GRID2: variants seen among roughly 807,000 people sequenced by gnomAD.
GRID2 encodes glutamate receptor ionotropic, delta-2.
Under a neutral mutation model 114.8 loss-of-function variants are expected in GRID2, and 33 were observed. The observed-to-expected ratio is 0.29, with a 90% CI of 0.22 to 0.38. The LOEUF (loss-of-function observed/expected upper bound fraction) is 0.38, where lower values mean the gene tolerates loss of function less well. Ranked by LOEUF, GRID2 falls within the 10% of genes least tolerant of loss-of-function variation. The probability of loss-of-function intolerance (pLI) is 1.00; values close to 1 mark genes in which losing one functional copy is unlikely to be tolerated. For synonymous variants in GRID2, 505 were observed against 449.9 expected (o/e 1.12, Z -1.55); for missense variants, 1,184 against 1,257.7 (o/e 0.94, Z 0.89).
At chr4:93,582,687 C>T (rs1207169496) in intron 13 of GRID2, among the ~76,000 whole-genome samples, 4 of 151,636 alleles carry the variant, frequency 2.6e-5, no homozygotes, top group African/African-American at 9.7e-5. Flanking sequence ...ATAATGGAGA[C>T]CTTACTTGTT....
chr4:92,650,353 C>G (rs1731866283), intron 2 of GRID2, among the ~76,000 whole-genome samples: 1 of 151,996 alleles, frequency 6.6e-6, no homozygotes, highest in South Asian at 2.1e-4. Flanking sequence ...ATCTTCATAT[C>G]TGAATAGCCT....
At chr4:92,767,827 G>A (rs1738339635) in intron 2 of GRID2, among the ~76,000 whole-genome samples, 1 of 151,812 alleles carries the variant, frequency 6.6e-6, no homozygotes, top group Admixed American at 6.6e-5. Flanking sequence ...AATCACTTGA[G>A]GCCAGGATTT....
intron 13 of GRID2, among the ~76,000 whole-genome samples, chr4:93,546,810 A>G (rs1416062575): frequency 1.3e-5 from 2 of 151,926 alleles, no homozygotes; most frequent in African/African-American, 4.8e-5. Context: ...ATTTTTTTTT[A>G]TATTCTTTAA....
At chr4:93,460,057 C>T (rs921971436) in intron 11 of GRID2, among the ~76,000 whole-genome samples, 5 of 152,174 alleles carry the variant, frequency 3.3e-5, no homozygotes, top group Admixed American at 3.3e-4. Flanking sequence ...ATAGGAGTCT[C>T]ATAAGTCTTT....
At chr4:93,353,187 A>C (rs981960528) in intron 8 of GRID2, among the ~76,000 whole-genome samples, 2 of 152,070 alleles carry the variant, frequency 1.3e-5, no homozygotes, top group African/African-American at 4.8e-5. Flanking sequence ...TGGTTCATAC[A>C]TAAGAAGATT....
chr4:92,350,508 A>G (rs1034876070), intron 1 of GRID2, among the ~76,000 whole-genome samples: 1 of 151,738 alleles, frequency 6.6e-6, no homozygotes, highest in African/African-American at 2.4e-5. Flanking sequence ...GGGTAACATA[A>G]TATATGTATA....
intron 1 of GRID2, among the ~76,000 whole-genome samples, chr4:92,426,122 T>C (rs892540876): frequency 6.6e-6 from 1 of 152,112 alleles, no homozygotes; most frequent in Non-Finnish European, 1.5e-5. Flanking sequence ...TGGTAACTTG[T>C]ACTTCATACA....
intron 11 of GRID2, among the ~76,000 whole-genome samples, chr4:93,488,257 T>G: frequency 6.6e-6 from 1 of 151,962 alleles, no homozygotes; most frequent in African/African-American, 2.4e-5. Context: ...TTTATTTTGC[T>G]TTTACCTTTC....
intron 8 of GRID2, among the ~76,000 whole-genome samples, chr4:93,275,195 C>A (rs1751917282): frequency 6.6e-6 from 1 of 151,864 alleles, no homozygotes; most frequent in African/African-American, 2.4e-5. Context: ...GCTTCATTCA[C>A]TTACTATTAT....
intron 1 of GRID2, among the ~76,000 whole-genome samples, chr4:92,418,055 T>A (rs1244427625): frequency 6.6e-6 from 1 of 152,088 alleles, no homozygotes; most frequent in African/African-American, 2.4e-5. Context: ...TTATTAGCAG[T>A]GTGAGAAGAG....
chr4:93,262,670 T>G (rs1168874421), intron 8 of GRID2, among the ~76,000 whole-genome samples: 1 of 152,010 alleles, frequency 6.6e-6, no homozygotes, highest in Non-Finnish European at 1.5e-5. Flanking sequence ...GTTGATATTT[T>G]GATGATTTCC....
At chr4:93,170,345 A>C (rs1040395585) in intron 4 of GRID2, among the ~76,000 whole-genome samples, 1 of 152,090 alleles carries the variant, frequency 6.6e-6, no homozygotes, top group Admixed American at 6.5e-5. Context: ...TGGACTCCCA[A>C]AGTGCTGGGA....
intron 1 of GRID2, among the ~76,000 whole-genome samples, chr4:92,585,986 G>A (rs1728416366): frequency 6.6e-6 from 1 of 151,204 alleles, no homozygotes; most frequent in South Asian, 2.1e-4. Flanking sequence ...TCTGAATTTA[G>A]GTATTTTATT....
chr4:93,167,369 C>CTTG (rs552109060), intron 4 of GRID2, among the ~76,000 whole-genome samples: 185 of 152,242 alleles, frequency 1.2e-3, no homozygotes, highest in African/African-American at 4.2e-3. Flanking sequence ...TTTATTTTGA[C>CTTG]TTCAACAACT....
chr4:93,207,327 T>G, intron 4 of GRID2, 77 bp from the exon 5 acceptor site: 1 of 978,026 alleles, frequency 1.0e-6, no homozygotes, highest in Non-Finnish European at 1.7e-6. Context: ...TTTTGTCATT[T>G]GCAAAGTATA....
At chr4:93,442,276 G>A (rs903580361) in intron 10 of GRID2, among the ~76,000 whole-genome samples, 1 of 151,956 alleles carries the variant, frequency 6.6e-6, no homozygotes, top group Non-Finnish European at 1.5e-5. Flanking sequence ...TTCAGTCAGC[G>A]ATTGCTCCTG....
intron 1 of GRID2, among the ~76,000 whole-genome samples, chr4:93,786,688 A>T (rs370126811): frequency 3.9e-5 from 6 of 152,238 alleles, no homozygotes; most frequent in African/African-American, 1.4e-4. Flanking sequence ...TCAGAAATTT[A>T]AGAAGAATAA....
chr4:92,653,945 G>A (rs1241530223), intron 2 of GRID2, among the ~76,000 whole-genome samples: 2 of 152,120 alleles, frequency 1.3e-5, no homozygotes, highest in African/African-American at 2.4e-5. Flanking sequence ...ACATACATGA[G>A]AACTAATTTT....
At chr4:92,334,404 T>C (rs1727058690) in intron 1 of GRID2, among the ~76,000 whole-genome samples, 1 of 152,186 alleles carries the variant, frequency 6.6e-6, no homozygotes, top group Non-Finnish European at 1.5e-5. Context: ...CAAAGTCACT[T>C]CCACATTTTC....
Sources: allele counts gnomAD v4.1 joint callset (sites outside exome capture counted in the v4.1 genomes callset), GRCh38; gene constraint gnomAD v4.1.1; transcripts MANE v1.5; gene names NCBI Gene and HGNC (gene_info 2026-07-23, HGNC 2026-07-21).